Variants in KCNC1 observed in about 807,000 individuals in gnomAD.
The protein encoded by KCNC1 is voltage-gated potassium channel KCNC1.
Under a neutral mutation model 43.4 loss-of-function variants are expected in KCNC1, and 8 were observed. That is an observed-to-expected ratio of 0.18 (90% CI 0.11 to 0.33). KCNC1 has a LOEUF of 0.33. Among genes scored for constraint, KCNC1 ranks in the 10% least tolerant of loss-of-function variants. The pLI is 1.00. For missense variants in KCNC1, 420 were observed against 836.0 expected (o/e 0.50, Z 6.14); for synonymous variants, 361 against 360.5 (o/e 1.00, Z -0.01).
In KCNC1 at chr11:17,739,586, C is replaced by A. The variant is rs553151969; in HGVS notation, c.570+3014C>A. Reference sequence around the variant, plus strand: ...TGCTGTGTGTGAGGTTTGGAGAGTGCGTGAGAGTCGAGGTGAGTGTGTCTG... The same window carrying A: ...TGCTGTGTGTGAGGTTTGGAGAGTGAGTGAGAGTCGAGGTGAGTGTGTCTG... On this transcript the variant is annotated intron_variant, in intron 1 of 3. Transcript: ENST00000265969. This position sits in a 1 kb window ranked among gnomAD's most constrained non-coding sequence, Gnocchi z 4.2. 6.6e-6 allele frequency among the ~76,000 whole-genome samples: 1 copy of A among 150,562 alleles called. No individual in the cohort carries two copies. The highest frequency in any genetic ancestry group is 1.5e-5 in the Non-Finnish European group (1 of 67,788).
chr11:17,736,639 AG>A lies in KCNC1; in HGVS notation c.570+71del. 1 of 1,444,248 alleles carries A rather than the reference AG, an allele frequency of 6.9e-7. No individual in the cohort carries two copies. The highest frequency in any genetic ancestry group is 1.4e-5 in the African/African-American group (1 of 69,670). 89.5% of individuals were successfully genotyped at this position (1,444,248 alleles called of 1,614,324 possible). On this transcript the variant is annotated intron_variant, in intron 1 of 3. Transcript: ENST00000265969. The surrounding 1 kb of genome is among the most constrained non-coding windows in gnomAD (Gnocchi z 9.3). ...CAGCGTCCTGTGCCTCCCCGCGGGC[AG>A]GGGTGGACCGGAGAACTGGCGCCTA...
At chr11:17,751,166 T>C (rs536901367) in intron 1 of KCNC1, among the ~76,000 whole-genome samples, 53 of 152,302 alleles carry the variant, frequency 3.5e-4, no homozygotes, top group Non-Finnish European at 6.8e-4. Context: ...AGGTCTTCTT[T>C]TGAAAATAAA....
Position 17,736,122 on chromosome 11 carries a change from C to T in KCNC1, c.120C>T (p.Pro40=). ...PGTRLAWLAE[P]DAHSHFDYDP... is the part of the protein sequence containing the mutation. ...CGCGGCTCGCCTGGCTGGCGGAGCC[C>T]GACGCCCACAGCCACTTCGACTATG... is the stretch of plus-strand genomic sequence containing the variant. Residue 40 remains proline, a synonymous_variant, in exon 1 of 4, where the codon CCC becomes CCT. Coordinates refer to ENST00000265969, the MANE Select transcript of KCNC1 (RefSeq NM_001112741.2). This position sits in a 1 kb window ranked among gnomAD's most constrained non-coding sequence, Gnocchi z 9.3. The T allele has an allele frequency of 6.2e-7, 1 of 1,611,118 alleles. No individual in the cohort carries two copies. Among genetic ancestry groups the T allele is most frequent in the Non-Finnish European group, 8.5e-7 (1 of 1,179,060 alleles).
Position 17,742,271 on chromosome 11 carries a change from A to C in KCNC1, c.570+5699A>C, listed in dbSNP as rs1479574170. 6.6e-6 allele frequency among the ~76,000 whole-genome samples: 1 copy of C among 151,766 alleles called. No individual in the cohort carries two copies. The highest frequency in any genetic ancestry group is 1.9e-4 in the East Asian group (1 of 5,164). On this transcript the variant is annotated intron_variant, in intron 1 of 3. Transcript: ENST00000265969. The surrounding 1 kb of genome is among the most constrained non-coding windows in gnomAD (Gnocchi z 4.2). ...GAGCAGGAGGCCTGGCCTCTGCCAGAAGCTTTGGAGGGGATTGGCTGAAGT... is the reference window on the plus strand; with the variant it reads ...GAGCAGGAGGCCTGGCCTCTGCCAGCAGCTTTGGAGGGGATTGGCTGAAGT...
chr11:17,738,850 C>T (rs897805515), intron 1 of KCNC1, among the ~76,000 whole-genome samples: 4 of 152,160 alleles, frequency 2.6e-5, no homozygotes, highest in African/African-American at 7.2e-5. Context: ...AGTGGGTGCT[C>T]CCCTTCAGCC....
Position 17,782,452 on chromosome 11 carries a change from A to AGGTTGATTCTCTCATCTT in KCNC1, c.*719_*736dup, listed in dbSNP as rs1284513273. 6.6e-6 allele frequency: 1 copy of AGGTTGATTCTCTCATCTT among 152,238 alleles called. No homozygotes were observed. The highest frequency in any genetic ancestry group is 1.5e-5 in the Non-Finnish European group (1 of 68,060). The allele number at this position is 152,238 out of a possible 1,614,324, so 9.4% of individuals were successfully genotyped here. A position where few individuals can be genotyped will look rare whatever the true frequency, so the allele number is the denominator to read the frequency against. ...CAAGACCCCTGACAGCAGCTAGTCTAGGTTGATTCTCTCATCTTATCGGTG... is the reference window on the plus strand; with the variant it reads ...CAAGACCCCTGACAGCAGCTAGTCTAGGTTGATTCTCTCATCTTGGTTGATTCTCTCATCTTATCGGTG... On this transcript the variant is annotated 3_prime_UTR_variant, in exon 4 of 4. Coordinates refer to ENST00000265969, the MANE Select transcript of KCNC1 (RefSeq NM_001112741.2).
chr11:17,750,088 G>A (rs117569746), intron 1 of KCNC1, among the ~76,000 whole-genome samples: 2,194 of 152,290 alleles, frequency 0.014, 22 homozygotes, highest in Middle Eastern at 0.048. Context: ...TGTGGACTCG[G>A]GCAGGTGGTG....
chr11:17,764,815 C>T (rs1484113842), intron 1 of KCNC1, among the ~76,000 whole-genome samples: 4 of 152,146 alleles, frequency 2.6e-5, no homozygotes, highest in Admixed American at 1.3e-4. Context: ...GCCCAGCACA[C>T]TGTGAGCATT....
At chr11:17,760,059 T>C (rs1849061007) in intron 1 of KCNC1, among the ~76,000 whole-genome samples, 1 of 152,210 alleles carries the variant, frequency 6.6e-6, no homozygotes, top group Non-Finnish European at 1.5e-5. Flanking sequence ...GTATTTCTTA[T>C]TCCAATCTGT....
chr11:17,777,438 ATC>A lies in KCNC1; in HGVS notation c.1505-2017_1505-2016del. 1.0e-6 allele frequency: 1 copy of A among 985,788 alleles called. No individual in the cohort carries two copies. Among genetic ancestry groups the A allele is most frequent in the Non-Finnish European group, 1.2e-6 (1 of 829,934 alleles). The allele number at this position is 985,788 out of a possible 1,614,324, so 61.1% of individuals were successfully genotyped here. A position where few individuals can be genotyped will look rare whatever the true frequency, so the allele number is the denominator to read the frequency against. On this transcript the variant is annotated intron_variant, in intron 2 of 3. Coordinates refer to ENST00000265969, the MANE Select transcript of KCNC1 (RefSeq NM_001112741.2). The surrounding 1 kb of genome is among the most constrained non-coding windows in gnomAD (Gnocchi z 4.3). ...GGGTGCTATGGGCCTCAACCCCCAC[ATC>A]GTCATCCGCGTCCTCTCCATACTGT...
In KCNC1 at chr11:17,777,612, C is replaced by G; in HGVS notation, c.1505-1844C>G. ...ATGCCCCAAGACCCCAGAGACGCCC[C>G]GGCCCCAGTCACATGGTGTCAGAGT... is the stretch of plus-strand genomic sequence containing the variant. On this transcript the variant is annotated intron_variant, in intron 2 of 3. Coordinates refer to ENST00000265969, the MANE Select transcript of KCNC1 (RefSeq NM_001112741.2). This position sits in a 1 kb window ranked among gnomAD's most constrained non-coding sequence, Gnocchi z 4.3. 1.0e-6 allele frequency: 1 copy of G among 985,848 alleles called. No individual in the cohort carries two copies. Among genetic ancestry groups the G allele is most frequent in the African/African-American group, 1.7e-5 (1 of 57,358 alleles). 61.1% of individuals were successfully genotyped at this position (985,848 alleles called of 1,614,324 possible).
Position 17,779,751 on chromosome 11 carries a change from C to T in KCNC1, c.1693+107C>T, listed in dbSNP as rs545366864. The stretch of plus-strand genomic sequence containing the variant: ...GGGCGCTGAGGGGCAGGCAGGCACA[C>T]CGAGGGGGGCAAGGATGGAGGGAAT... On this transcript the variant is annotated intron_variant, in intron 3 of 3. Transcript: ENST00000265969. This position sits in a 1 kb window ranked among gnomAD's most constrained non-coding sequence, Gnocchi z 7.2. 2.2e-5 allele frequency: 20 copies of T among 889,412 alleles called. No individual in the cohort carries two copies. In the East Asian group the frequency reaches 5.3e-4, roughly 23 times the overall value. The allele number at this position is 889,412 out of a possible 1,614,324, so 55.1% of individuals were successfully genotyped here.
Position 17,736,444 on chromosome 11 carries a change from G to C in KCNC1, c.442G>C (p.Glu148Gln). The change falls in exon 1 of 4, where the codon GAG becomes CAG. Residue 148 changes from glutamate (E) to glutamine (Q), a missense_variant. Glu to Gln is a conservative substitution (Grantham distance 29). This residue lies in a region of KCNC1 where 151 missense variants were observed against 216.7 expected (regional missense o/e 0.70). Coordinates refer to ENST00000265969, the MANE Select transcript of KCNC1 (RefSeq NM_001112741.2). This position sits in a 1 kb window ranked among gnomAD's most constrained non-coding sequence, Gnocchi z 9.3. The stretch of plus-strand genomic sequence containing the variant: ...TGGCGACTCGGGCGACGGCGAGGAC[G>C]AGCTGGAGATGACCAAGCGCCTGGC... The part of the protein sequence containing the change: ...GPGDSGDGED[E>Q]LEMTKRLALS... 3 of 1,605,148 alleles carry C rather than the reference G, an allele frequency of 1.9e-6. No homozygotes were observed. Among genetic ancestry groups the C allele is most frequent in the Non-Finnish European group, 8.5e-7 (1 of 1,178,078 alleles).
At chr11:17,754,323 G>T (rs1180914252) in intron 1 of KCNC1, among the ~76,000 whole-genome samples, 1 of 152,196 alleles carries the variant, frequency 6.6e-6, no homozygotes, top group African/African-American at 2.4e-5. Flanking sequence ...GTCACAGATT[G>T]GTGTATGGAG....
rs1325908029 is a variant in KCNC1, at chr11:17,739,670, AGTCTGT to A, written c.570+3101_570+3106del. Among the ~76,000 whole-genome samples, 3 of 101,962 alleles carry A rather than the reference AGTCTGT, an allele frequency of 2.9e-5. No homozygotes were observed. The highest frequency in any genetic ancestry group is 5.2e-5 in the African/African-American group (1 of 19,074). The allele number at this position is 101,962 out of a possible 152,430, so 66.9% of individuals were successfully genotyped here. ...ACTGTATATGTGGAGCTCATGTGTG[AGTCTGT>A]GTGTGTGTGTGTGTGTGTGTGTGTG... On this transcript the variant is annotated intron_variant, in intron 1 of 3. Transcript: ENST00000265969. This position sits in a 1 kb window ranked among gnomAD's most constrained non-coding sequence, Gnocchi z 4.2.
At chr11:17,780,039 T>C in intron 3 of KCNC1, 1 of 165,884 alleles carries the variant, frequency 6.0e-6, no homozygotes, top group Non-Finnish European at 1.3e-5. Context: ...AGGAGGGCAG[T>C]GGAGTGGGCC....
chr11:17,743,328 T>C (rs899530663), intron 1 of KCNC1, among the ~76,000 whole-genome samples: 1 of 152,128 alleles, frequency 6.6e-6, no homozygotes, highest in Non-Finnish European at 1.5e-5. Flanking sequence ...CCAGGGATGG[T>C]GAGGCCTGTG....
chr11:17,764,353 A>G (rs1849123391), intron 1 of KCNC1, among the ~76,000 whole-genome samples: 1 of 150,986 alleles, frequency 6.6e-6, no homozygotes, highest in East Asian at 2.0e-4. Context: ...TGTTCCCCAC[A>G]CACCCCATAC....
chr11:17,779,043 C>A lies in KCNC1; in HGVS notation c.1505-413C>A, dbSNP rs1320647364. 1 of 161,248 alleles carries A rather than the reference C, an allele frequency of 6.2e-6. No individual in the cohort carries two copies. The highest frequency in any genetic ancestry group is 1.9e-4 in the East Asian group (1 of 5,384). The allele number at this position is 161,248 out of a possible 1,614,324, so 10.0% of individuals were successfully genotyped here. A position where few individuals can be genotyped will look rare whatever the true frequency, so the allele number is the denominator to read the frequency against. ...CAGAGGGGTCCGGAAAGGCCCCTCT[C>A]TGGACTGGAGTGTTTCTGCGTGTCT... On this transcript the variant is annotated intron_variant, in intron 2 of 3. Coordinates refer to ENST00000265969, the MANE Select transcript of KCNC1 (RefSeq NM_001112741.2). This position sits in a 1 kb window ranked among gnomAD's most constrained non-coding sequence, Gnocchi z 7.2.
Sources: gnomAD v4.1 joint callset for allele counts (sites outside exome capture counted in the v4.1 genomes callset) on GRCh38, gnomAD v4.1.1 for gene constraint, gnomAD v4.1.1 regional missense constraint, Gnocchi (gnomAD v3.1) non-coding constraint, MANE v1.5 for transcripts, NCBI Gene and HGNC (gene_info 2026-07-23, HGNC 2026-07-21) for gene names.